Variants in MAP4K3 observed in about 807,000 individuals in gnomAD.
The protein encoded by MAP4K3 is mitogen-activated protein kinase kinase kinase kinase 3.
In MAP4K3, 94 loss-of-function variants were observed where a neutral mutation model predicts 143.5. The observed-to-expected ratio is 0.65, with a 90% CI of 0.55 to 0.78. The LOEUF is 0.78. Ranked by LOEUF, MAP4K3 falls within the 30% of genes least tolerant of loss-of-function variation. The probability of loss-of-function intolerance (pLI) is 0.00; values close to 1 mark genes in which losing one functional copy is unlikely to be tolerated. For missense variants in MAP4K3, 1,077 were observed against 1,068.1 expected (o/e 1.01, Z -0.12); for synonymous variants, 416 against 347.2 (o/e 1.20, Z -2.20).
chr2:39,410,333 C>A (rs570430254), intron 1 of MAP4K3, among the ~76,000 whole-genome samples: 76 of 152,278 alleles, frequency 5.0e-4, no homozygotes, highest in Admixed American at 2.2e-3. Flanking sequence ...ACGCAACATC[C>A]TGTACCCATG....
chr2:39,275,386 T>A (rs1208798034), intron 24 of MAP4K3, among the ~76,000 whole-genome samples: 1 of 152,140 alleles, frequency 6.6e-6, no homozygotes, highest in Non-Finnish European at 1.5e-5. Flanking sequence ...CTGAGAACGC[T>A]GAGGTGGGTC....
chr2:39,435,500 C>T (rs1275566829), intron 1 of MAP4K3, among the ~76,000 whole-genome samples: 2 of 152,216 alleles, frequency 1.3e-5, no homozygotes, highest in East Asian at 3.8e-4. Flanking sequence ...AACGCCTAAT[C>T]ATCTCTGAGA....
At chr2:39,333,314 G>T (rs1172030991) in intron 7 of MAP4K3, among the ~76,000 whole-genome samples, 1 of 152,064 alleles carries the variant, frequency 6.6e-6, no homozygotes, top group Non-Finnish European at 1.5e-5. Context: ...TTCTTTCACA[G>T]TATCTTTACA....
intron 1 of MAP4K3, among the ~76,000 whole-genome samples, chr2:39,392,215 A>G (rs1056873540): frequency 2.0e-5 from 3 of 149,372 alleles, no homozygotes; most frequent in Admixed American, 6.7e-5. Context: ...ATTACAGTGA[A>G]GCTTATTTAA....
At chr2:39,333,433 G>A (rs1029527910) in intron 7 of MAP4K3, 99 bp downstream of exon 7, 55 of 871,994 alleles carry the variant, frequency 6.3e-5, no homozygotes, top group East Asian at 3.0e-4. Context: ...CACAGATGCC[G>A]TCTTAGGAGA....
At chr2:39,302,910 C>T (rs1415014411) in intron 15 of MAP4K3, among the ~76,000 whole-genome samples, 5 of 152,102 alleles carry the variant, frequency 3.3e-5, no homozygotes, top group African/African-American at 1.2e-4. Context: ...GAATGGGAGA[C>T]TATTTCTAAA....
At chr2:39,256,019 G>A (rs1262045595) in intron 31 of MAP4K3, among the ~76,000 whole-genome samples, 1 of 151,998 alleles carries the variant, frequency 6.6e-6, no homozygotes, top group Non-Finnish European at 1.5e-5. Context: ...TAATTTGGAG[G>A]TTCCTAGATA....
At chr2:39,333,435 C>T (rs980030074) in intron 7 of MAP4K3, 97 bp downstream of exon 7, 22 of 897,758 alleles carry the variant, frequency 2.5e-5, no homozygotes, top group Non-Finnish European at 3.7e-5. Flanking sequence ...CAGATGCCGT[C>T]TTAGGAGAGG....
chr2:39,321,879 T>C (rs1683319845), intron 12 of MAP4K3, among the ~76,000 whole-genome samples: 1 of 152,222 alleles, frequency 6.6e-6, no homozygotes, highest in African/African-American at 2.4e-5. Flanking sequence ...CACGTGTTTG[T>C]CTGCTGACCC....
At chr2:39,416,468 T>A (rs554568382) in intron 1 of MAP4K3, among the ~76,000 whole-genome samples, 1 of 152,102 alleles carries the variant, frequency 6.6e-6, no homozygotes, top group Non-Finnish European at 1.5e-5. Context: ...AAGGAAAAAA[T>A]AATCTGGCAA....
At chr2:39,391,852 C>T (rs1035642386) in intron 1 of MAP4K3, among the ~76,000 whole-genome samples, 10 of 151,944 alleles carry the variant, frequency 6.6e-5, no homozygotes, top group Non-Finnish European at 1.2e-4. Context: ...CTCGTAATCT[C>T]GCTGGTACAA....
rs1665189050 is a variant in MAP4K3, at chr2:39,343,190, G to A, written c.310+198C>T. ...TGCAGAATTAGCAAATAATTCAAAT[G>A]CATTTAATTTTCCAAATTAAAAAGC... On this transcript the variant is annotated intron_variant, in intron 4 of 33. Coordinates refer to ENST00000263881, the MANE Select transcript of MAP4K3 (RefSeq NM_003618.4). Among the ~76,000 whole-genome samples, 3 of 152,134 alleles carry A rather than the reference G, an allele frequency of 2.0e-5. No homozygotes were observed. The South Asian group carries it at 6.2e-4, about 31-fold the overall frequency.
At chr2:39,433,074 C>T (rs1665343459) in intron 1 of MAP4K3, among the ~76,000 whole-genome samples, 1 of 152,230 alleles carries the variant, frequency 6.6e-6, no homozygotes, top group Admixed American at 6.5e-5. Context: ...CATAGGACTT[C>T]TCAGTCTTTA....
Position 39,437,259 on chromosome 2 carries a change from T to A in MAP4K3, c.-272A>T, listed in dbSNP as rs892284608. The A allele has an allele frequency of 7.7e-6, 2 of 259,724 alleles. No homozygotes were observed. The highest frequency in any genetic ancestry group is 1.4e-5 in the Non-Finnish European group (2 of 138,088). 16.1% of individuals were successfully genotyped at this position (259,724 alleles called of 1,614,324 possible). A position where few individuals can be genotyped will look rare whatever the true frequency, so the allele number is the denominator to read the frequency against. On this transcript the variant is annotated 5_prime_UTR_variant, in exon 1 of 34. Transcript: ENST00000263881. ...GAGGAGAACCCTCGCAGCCCCTCGC[T>A]CGGGGTGAAACTCCAACATGGCTTC...
chr2:39,371,950 A>G (rs1666546372), intron 2 of MAP4K3, among the ~76,000 whole-genome samples: 1 of 150,846 alleles, frequency 6.6e-6, no homozygotes, highest in African/African-American at 2.4e-5. Context: ...GCATTCAGAC[A>G]AGAGCAAGAA....
At chr2:39,274,236 A>C (rs140917425) in intron 24 of MAP4K3, among the ~76,000 whole-genome samples, 1,547 of 141,714 alleles carry the variant, frequency 0.011, 28 homozygotes, top group African/African-American at 0.038. Flanking sequence ...TTTTTTTTTG[A>C]GATGGAGTCT....
intron 2 of MAP4K3, among the ~76,000 whole-genome samples, chr2:39,368,188 G>A (rs192914943): frequency 1.8e-4 from 27 of 152,198 alleles, no homozygotes; most frequent in Admixed American, 1.6e-3. Flanking sequence ...AAAAATTATG[G>A]CAGCAACCCT....
intron 12 of MAP4K3, among the ~76,000 whole-genome samples, chr2:39,318,271 A>G (rs2148507949): frequency 6.6e-6 from 1 of 152,206 alleles, no homozygotes; most frequent in East Asian, 1.9e-4. Context: ...TGAGGATAAA[A>G]AACTACCTAT....
chr2:39,300,866 A>T (rs1682476220), intron 15 of MAP4K3, among the ~76,000 whole-genome samples: 1 of 152,220 alleles, frequency 6.6e-6, no homozygotes, highest in Non-Finnish European at 1.5e-5. Context: ...CGAGCTCCTT[A>T]AACAATGGGA....
Sources: allele counts gnomAD v4.1 joint callset (sites outside exome capture counted in the v4.1 genomes callset), GRCh38; gene constraint gnomAD v4.1.1; transcripts MANE v1.5; gene names NCBI Gene and HGNC (gene_info 2026-07-23, HGNC 2026-07-21).